The following WDR26 variants were observed in gnomAD, a reference collection of about 807,000 sequenced individuals.
WDR26 encodes WD repeat-containing protein 26.
Under a neutral mutation model 84.1 loss-of-function variants are expected in WDR26, and 5 were observed. That is an observed-to-expected ratio of 0.06 (90% confidence interval 0.03 to 0.13). The LOEUF (loss-of-function observed/expected upper bound fraction) is 0.13. Among genes scored for constraint, WDR26 ranks in the 10% least tolerant of loss-of-function variants. The probability of loss-of-function intolerance (pLI) is 1.00; values close to 1 mark genes in which losing one functional copy is unlikely to be tolerated. For synonymous variants in WDR26, 415 were observed against 389.6 expected (o/e 1.07, Z -0.77); for missense variants, 642 against 974.9 (o/e 0.66, Z 4.55).
chr1:224,386,427 C>T lies in WDR26; in HGVS notation c.*3408G>A, dbSNP rs747532508. 2.6e-5 allele frequency: 4 copies of T among 152,524 alleles called. No homozygotes were observed. Among genetic ancestry groups the T allele is most frequent in the Non-Finnish European group, 5.9e-5 (4 of 68,008 alleles). 9.4% of individuals were successfully genotyped at this position (152,524 alleles called of 1,614,324 possible). On this transcript the variant is annotated 3_prime_UTR_variant, in exon 14 of 14. Coordinates refer to ENST00000414423, the MANE Select transcript of WDR26 (RefSeq NM_001379403.1). Reference sequence around the variant, plus strand: ...AAACTGACATGGATATTTTCCCTTTCAAGAGATGTATGATATATTTACCCA... The same window carrying T: ...AAACTGACATGGATATTTTCCCTTTTAAGAGATGTATGATATATTTACCCA...
chr1:224,398,146 A>C lies in WDR26; in HGVS notation c.2025T>G (p.His675Gln). Residue 675 changes from histidine to glutamine, a missense_variant, in exon 12 of 14, where the codon CAT (histidine) becomes CAG (glutamine). Physicochemically the swap from His to Gln is conservative, Grantham distance 24. Transcript: ENST00000414423. The stretch of plus-strand genomic sequence containing the variant: ...CTTCATTATGGCCTCCAAAACATGA[A>C]TGAATTGTATAAAACCCTTGTGTAA... 1 of 1,613,702 alleles carries C rather than the reference A, an allele frequency of 6.2e-7. No homozygotes were observed. The highest frequency in any genetic ancestry group is 8.5e-7 in the Non-Finnish European group (1 of 1,179,890).
chr1:224,426,541 T>C (rs1463302969), intron 3 of WDR26, among the ~76,000 whole-genome samples: 1 of 151,970 alleles, frequency 6.6e-6, no homozygotes, highest in Non-Finnish European at 1.5e-5. Flanking sequence ...GTTTCAGAAA[T>C]ACATTAATTA....
intron 12 of WDR26, among the ~76,000 whole-genome samples, chr1:224,394,792 G>A (rs539280431): frequency 2.6e-5 from 4 of 152,256 alleles, no homozygotes; most frequent in East Asian, 3.9e-4. Flanking sequence ...ACTGCGCCCC[G>A]CCTGCTTATC....
At chr1:224,402,735 G>A (rs1189828504) in intron 8 of WDR26, among the ~76,000 whole-genome samples, 1 of 152,184 alleles carries the variant, frequency 6.6e-6, no homozygotes, top group Non-Finnish European at 1.5e-5. Context: ...CAGACTCACT[G>A]CAAGCTCTGT....
intron 6 of WDR26, among the ~76,000 whole-genome samples, chr1:224,414,119 T>G (rs1272729792): frequency 6.6e-6 from 1 of 151,382 alleles, no homozygotes; most frequent in Admixed American, 6.6e-5. Flanking sequence ...GCCTGTTTTT[T>G]TTTTTGAGAC....
chr1:224,399,423 GA>G (rs1330395276), intron 9 of WDR26, among the ~76,000 whole-genome samples: 1 of 152,150 alleles, frequency 6.6e-6, no homozygotes. Flanking sequence ...TTGTGAAATG[GA>G]AAAAGATTCT....
At chr1:224,411,694 A>G in intron 6 of WDR26, 129 bp from the exon 7 acceptor site, 1 of 1,036,396 alleles carries the variant, frequency 9.6e-7, no homozygotes, top group Middle Eastern at 2.4e-4. Context: ...AAGTGAATGC[A>G]TTTGTAAATC....
At chr1:224,392,292 C>T (rs1475332375) in intron 13 of WDR26, among the ~76,000 whole-genome samples, 3 of 150,862 alleles carry the variant, frequency 2.0e-5, no homozygotes, top group Non-Finnish European at 2.9e-5. Flanking sequence ...ACCCAGGAGG[C>T]GGAGCTTGCA....
intron 4 of WDR26, among the ~76,000 whole-genome samples, chr1:224,420,623 A>AT (rs1363333620): frequency 6.6e-6 from 1 of 152,234 alleles, no homozygotes; most frequent in Non-Finnish European, 1.5e-5. Context: ...AATCTAAATG[A>AT]TTTAATAGTC....
At chr1:224,417,727 A>G (rs1269601089) in intron 6 of WDR26, among the ~76,000 whole-genome samples, 1 of 152,216 alleles carries the variant, frequency 6.6e-6, no homozygotes, top group Non-Finnish European at 1.5e-5. Context: ...CATCAAGAAC[A>G]AAATAAAGCT....
At chr1:224,404,764 T>C (rs1007867372) in intron 7 of WDR26, among the ~76,000 whole-genome samples, 194 bp from the exon 8 acceptor site, 9 of 152,214 alleles carry the variant, frequency 5.9e-5, no homozygotes, top group African/African-American at 2.2e-4. Flanking sequence ...TCTACTACAC[T>C]ATTAGGCATC....
At chr1:224,403,302 G>A (rs1022080422) in intron 8 of WDR26, among the ~76,000 whole-genome samples, 5 of 152,020 alleles carry the variant, frequency 3.3e-5, no homozygotes, top group African/African-American at 4.8e-5. Flanking sequence ...TACCCACCTC[G>A]GCCTCCCCAA....
intron 5 of WDR26, 73 bp downstream of exon 5, chr1:224,419,445 C>T (rs1572200561): frequency 5.2e-6 from 6 of 1,151,518 alleles, no homozygotes; most frequent in South Asian, 1.2e-5. Context: ...CCCCATCTGT[C>T]TTCCTAATTG....
At chr1:224,390,674 TAA>T (rs2102883463) in intron 13 of WDR26, among the ~76,000 whole-genome samples, 1 of 152,260 alleles carries the variant, frequency 6.6e-6, no homozygotes, top group South Asian at 2.1e-4. Context: ...AGCAACCATT[TAA>T]AGTGTACACT....
At chr1:224,407,151 A>AATATATATATATATATATATATATATAT (rs1335487396) in intron 7 of WDR26, among the ~76,000 whole-genome samples, 4 of 11,874 alleles carry the variant, frequency 3.4e-4, no homozygotes, top group African/African-American at 7.8e-4. Context: ...AAAAAAAAAA[A>AATATATATATATATATATATATATATAT]ATATATATAT....
chr1:224,419,422 A>G (rs1021939862), intron 5 of WDR26, 96 bp downstream of exon 5: 1 of 939,852 alleles, frequency 1.1e-6, no homozygotes, highest in African/African-American at 1.6e-5. Context: ...CAATAAAAGT[A>G]TGTCCAGATA....
intron 3 of WDR26, chr1:224,429,514 TGAGAA>T (rs1330199724): frequency 2.6e-5 from 4 of 152,244 alleles, no homozygotes; most frequent in Middle Eastern, 3.4e-3. Flanking sequence ...ATGGGATGGA[TGAGAA>T]AAGTAAATTT....
chr1:224,431,334 C>A, intron 3 of WDR26, 143 bp downstream of exon 3: 1 of 668,410 alleles, frequency 1.5e-6, no homozygotes, highest in African/African-American at 1.8e-5. Context: ...TACTTTAAAA[C>A]ATTATACTCA....
intron 12 of WDR26, chr1:224,397,870 G>A (rs1673307657): frequency 9.7e-6 from 5 of 515,170 alleles, no homozygotes. Context: ...ACAATATGGA[G>A]GGCTTAGGTC....
Sources: allele counts gnomAD v4.1 joint callset (sites outside exome capture counted in the v4.1 genomes callset), GRCh38; gene constraint gnomAD v4.1.1; transcripts MANE v1.5; gene names NCBI Gene and HGNC (gene_info 2026-07-23, HGNC 2026-07-21).